The following ASB13 variants were observed in gnomAD, a reference collection of about 807,000 sequenced individuals.
The protein encoded by ASB13 is ankyrin repeat and SOCS box protein 13.
ASB13 carries 33 observed loss-of-function variants against 28.8 expected under a neutral mutation model. The ratio of observed to expected loss-of-function variants is 1.15; its 90% CI spans 0.87 to 1.53. The LOEUF (loss-of-function observed/expected upper bound fraction) is 1.53. Ranked by LOEUF, ASB13 falls within the 40% of genes most tolerant of loss-of-function variation. The pLI, the probability that ASB13 is intolerant of heterozygous loss-of-function variation, is 0.00. For missense variants in ASB13, 414 were observed against 390.1 expected (o/e 1.06, Z -0.52); for synonymous variants, 182 against 172.9 (o/e 1.05, Z -0.41).
At position 5,651,237 on chromosome 10, in the gene ASB13, G is replaced by A; in HGVS notation, c.358C>T (p.Pro120Ser). The change falls in exon 3 of 6, where the codon CCC (proline) becomes TCC (serine). Residue 120 changes from proline (P) to serine (S), a missense_variant. Transcript: ENST00000357700. The surrounding 1 kb of genome is among the most constrained non-coding windows in gnomAD (Gnocchi z 5.1). Reference protein sequence around the residue: ...KVNPPLYTASPLHEACMSGSS... With the variant: ...KVNPPLYTASSLHEACMSGSS... The stretch of plus-strand genomic sequence containing the variant: ...CCGCTCATGCAGGCCTCGTGCAGGG[G>A]GGACGCTGTGTACAGGGGAGGGTTG... 3 of 1,613,136 alleles carry A rather than the reference G, an allele frequency of 1.9e-6. No individual in the cohort carries two copies. The highest frequency in any genetic ancestry group is 1.7e-6 in the Non-Finnish European group (2 of 1,179,502).
chr10:5,654,381 G>A (rs1015407356), intron 1 of ASB13, among the ~76,000 whole-genome samples: 1 of 152,072 alleles, frequency 6.6e-6, no homozygotes, highest in African/African-American at 2.4e-5. Context: ...CTGAAGACAG[G>A]ACCTACAGGA....
chr10:5,657,754 C>T (rs1835095312), intron 1 of ASB13, among the ~76,000 whole-genome samples: 1 of 152,180 alleles, frequency 6.6e-6, no homozygotes, highest in Non-Finnish European at 1.5e-5. Context: ...TCTCAACAAT[C>T]CAAGTGTCCA....
chr10:5,640,510 G>T lies in ASB13; in HGVS notation c.*193C>A, dbSNP rs929679346. ...CACACCCACAACTGTGACCTGAGAC[G>T]CAGGCCTTCCCAACACCCTGGAAAC... is the stretch of plus-strand genomic sequence containing the variant. On this transcript the variant is annotated 3_prime_UTR_variant, in exon 6 of 6. Transcript: ENST00000357700. 9 of 669,408 alleles carry T rather than the reference G, an allele frequency of 1.3e-5. No homozygotes were observed. The highest frequency in any genetic ancestry group is 3.0e-5 in the Admixed American group (1 of 33,668). 41.5% of individuals were successfully genotyped at this position (669,408 alleles called of 1,614,324 possible).
In ASB13 at chr10:5,650,735, G is replaced by C. The variant is rs564804459; in HGVS notation, c.382+478C>G. Among the ~76,000 whole-genome samples, 3 of 152,348 alleles carry C rather than the reference G, an allele frequency of 2.0e-5. No homozygotes were observed. The highest frequency in any genetic ancestry group is 7.2e-5 in the African/African-American group (3 of 41,578). ...GTGCCCTTTTATCTTCCCAGCATCT[G>C]CAGTCTGCCTATTCTTGGGGGGCAG... On this transcript the variant is annotated intron_variant, in intron 3 of 5. Coordinates refer to ENST00000357700, the MANE Select transcript of ASB13 (RefSeq NM_024701.4). This position sits in a 1 kb window ranked among gnomAD's most constrained non-coding sequence, Gnocchi z 6.0.
At position 5,649,096 on chromosome 10, in the gene ASB13, CGGA is replaced by C; in HGVS notation, c.388_390del (p.Ser130del). On this transcript the variant is annotated inframe_deletion, in exon 4 of 6. Transcript: ENST00000357700. The surrounding 1 kb of genome is among the most constrained non-coding windows in gnomAD (Gnocchi z 6.4). ...ACGTCAATAAGAAGCCTCACACATT[CGGA>C]ACTCCCTTAAGATAAATGGAAAAGG... The C allele has an allele frequency of 6.2e-7, 1 of 1,614,186 alleles. No individual in the cohort carries two copies. Among genetic ancestry groups the C allele is most frequent in the Non-Finnish European group, 8.5e-7 (1 of 1,180,042 alleles).
At chr10:5,648,261 A>T (rs1483987196) in intron 4 of ASB13, among the ~76,000 whole-genome samples, 1 of 149,620 alleles carries the variant, frequency 6.7e-6, no homozygotes, top group Admixed American at 6.6e-5. Flanking sequence ...GTAAACACCC[A>T]CTCAGGTAAA....
At chr10:5,662,258 C>T (rs975422888) in intron 1 of ASB13, among the ~76,000 whole-genome samples, 8 of 152,008 alleles carry the variant, frequency 5.3e-5, no homozygotes, top group Non-Finnish European at 2.9e-5. Context: ...GTGGCTCACG[C>T]CTGTAATCCC....
Position 5,664,793 on chromosome 10 carries a change from G to A in ASB13, c.43+1716C>T, listed in dbSNP as rs956798079. ...CCTATCAGGTTCAAGTGATTCTCCTGCCTCAGCCTCCCCAGTAGCTGAGAT... is the reference window on the plus strand; with the variant it reads ...CCTATCAGGTTCAAGTGATTCTCCTACCTCAGCCTCCCCAGTAGCTGAGAT... On this transcript the variant is annotated intron_variant, in intron 1 of 5. Transcript: ENST00000357700. The surrounding 1 kb of genome is among the most constrained non-coding windows in gnomAD (Gnocchi z 4.2). Among the ~76,000 whole-genome samples, 1 of 152,088 alleles carries A rather than the reference G, an allele frequency of 6.6e-6. No individual in the cohort carries two copies. The highest frequency in any genetic ancestry group is 2.4e-5 in the African/African-American group (1 of 41,390).
At position 5,660,281 on chromosome 10, in the gene ASB13, G is replaced by A. The variant is rs1471291793; in HGVS notation, c.43+6228C>T. ...ACGTTCTCTCCACTCTTCCACCCAC[G>A]ATACGACCTTACTGGCTAGGACCGT... On this transcript the variant is annotated intron_variant, in intron 1 of 5. Coordinates refer to ENST00000357700, the MANE Select transcript of ASB13 (RefSeq NM_024701.4). The surrounding 1 kb of genome is among the most constrained non-coding windows in gnomAD (Gnocchi z 6.1). Among the ~76,000 whole-genome samples, 1 of 152,206 alleles carries A rather than the reference G, an allele frequency of 6.6e-6. No homozygotes were observed. The highest frequency in any genetic ancestry group is 2.4e-5 in the African/African-American group (1 of 41,452).
chr10:5,646,291 T>C (rs1440420839), intron 4 of ASB13, among the ~76,000 whole-genome samples: 1 of 152,168 alleles, frequency 6.6e-6, no homozygotes, highest in Non-Finnish European at 1.5e-5. Flanking sequence ...GGGTCCCGCC[T>C]AGTCCAATCC....
At position 5,640,778 on chromosome 10, in the gene ASB13, A is replaced by G. The variant is rs369156574; in HGVS notation, c.762T>C (p.Thr254=). 4 of 1,614,056 alleles carry G rather than the reference A, an allele frequency of 2.5e-6. No individual in the cohort carries two copies. The highest frequency in any genetic ancestry group is 3.4e-6 in the Non-Finnish European group (4 of 1,180,040). ...CAATCTTCTCCAGCCCTCGGACGCCAGTGGCCTTCCTCAAGTTCACCCTGC... is the reference window on the plus strand; with the variant it reads ...CAATCTTCTCCAGCCCTCGGACGCCGGTGGCCTTCCTCAAGTTCACCCTGC... The part of the protein sequence containing the change: ...QLCRVNLRKA[T]GVRGLEKIAK... The change falls in exon 6 of 6, where the codon ACT becomes ACC. Residue 254 remains threonine, a synonymous_variant. Transcript: ENST00000357700.
chr10:5,664,720 G>A lies in ASB13; in HGVS notation c.43+1789C>T, dbSNP rs558071082. 5.3e-5 allele frequency among the ~76,000 whole-genome samples: 8 copies of A among 151,950 alleles called. No homozygotes were observed. The highest frequency in any genetic ancestry group is 3.4e-3 in the Middle Eastern group (1 of 294). On this transcript the variant is annotated intron_variant, in intron 1 of 5. Transcript: ENST00000357700. The surrounding 1 kb of genome is among the most constrained non-coding windows in gnomAD (Gnocchi z 4.2). ...TTTTGAGACGGAGTCTCACTCTGTC[G>A]CCCAGGCTGGAGTGCAATGGCATGA...
rs1394312751 is a variant in ASB13 at position 5,650,359 on chromosome 10, A to T, written c.382+854T>A. On this transcript the variant is annotated intron_variant, in intron 3 of 5. Coordinates refer to ENST00000357700, the MANE Select transcript of ASB13 (RefSeq NM_024701.4). This position sits in a 1 kb window ranked among gnomAD's most constrained non-coding sequence, Gnocchi z 6.0. ...TTCCTGACCCTCGACATCTGCTCAG[A>T]AACCTTCAAGAGCTCCCTGGAGCTG... 6.6e-6 allele frequency among the ~76,000 whole-genome samples: 1 copy of T among 152,196 alleles called. No homozygotes were observed. Among genetic ancestry groups the T allele is most frequent in the Non-Finnish European group, 1.5e-5 (1 of 68,032 alleles).
Position 5,643,618 on chromosome 10 carries a change from T to C in ASB13, c.518-1657A>G, listed in dbSNP as rs527697954. Reference sequence around the variant, plus strand: ...AGATTAAAGAAATATTTCCCCACAATTCAACCTCTCTTTCACATAAGGGGT... The same window carrying C: ...AGATTAAAGAAATATTTCCCCACAACTCAACCTCTCTTTCACATAAGGGGT... On this transcript the variant is annotated intron_variant, in intron 4 of 5. Coordinates refer to ENST00000357700, the MANE Select transcript of ASB13 (RefSeq NM_024701.4). Among the ~76,000 whole-genome samples the C allele has an allele frequency of 3.9e-5, 6 of 152,342 alleles. No individual in the cohort carries two copies. The East Asian group carries it at 7.7e-4, about 20-fold the overall frequency.
chr10:5,665,805 T>C (rs1361946544), intron 1 of ASB13, among the ~76,000 whole-genome samples: 4 of 152,192 alleles, frequency 2.6e-5, no homozygotes, highest in East Asian at 1.9e-4. Flanking sequence ...TAGATTTTTT[T>C]TTTCTTTTTA....
Position 5,644,366 on chromosome 10 carries a change from C to T in ASB13, c.518-2405G>A, listed in dbSNP as rs1235800014. ...AAATTACCCGGGGGGCGTGATGGCA[C>T]ACATCTGTGGTCCCACCTACTCTGG... is the stretch of plus-strand genomic sequence containing the variant. On this transcript the variant is annotated intron_variant, in intron 4 of 5. Transcript: ENST00000357700. This position sits in a 1 kb window ranked among gnomAD's most constrained non-coding sequence, Gnocchi z 5.1. Among the ~76,000 whole-genome samples, 1 of 152,132 alleles carries T rather than the reference C, an allele frequency of 6.6e-6. No individual in the cohort carries two copies. The highest frequency in any genetic ancestry group is 1.5e-5 in the Non-Finnish European group (1 of 68,032).
chr10:5,659,422 A>T lies in ASB13; in HGVS notation c.44-6372T>A, dbSNP rs556069260. ...CAGGCAAGGAACAAGGTCCACGACC[A>T]TGCAGTCACAGGCCCTGTCCCCAGG... On this transcript the variant is annotated intron_variant, in intron 1 of 5. Coordinates refer to ENST00000357700, the MANE Select transcript of ASB13 (RefSeq NM_024701.4). This position sits in a 1 kb window ranked among gnomAD's most constrained non-coding sequence, Gnocchi z 5.8. Among the ~76,000 whole-genome samples the T allele has an allele frequency of 6.6e-6, 1 of 152,296 alleles. No individual in the cohort carries two copies. Among genetic ancestry groups the T allele is most frequent in the East Asian group, 1.9e-4 (1 of 5,170 alleles).
intron 1 of ASB13, among the ~76,000 whole-genome samples, chr10:5,654,234 G>C (rs543128605): frequency 3.3e-5 from 5 of 150,688 alleles, no homozygotes; most frequent in Admixed American, 2.7e-4. Flanking sequence ...AGGTGAGGGA[G>C]AGTCTGCGAA....
In ASB13 at chr10:5,655,542, C is replaced by T. The variant is rs1835056569; in HGVS notation, c.44-2492G>A. ...CCACAGCCAAAGAGCCCGGGTGACC[C>T]TATGTCAGTGGAAGTGGGGACTAGG... On this transcript the variant is annotated intron_variant, in intron 1 of 5. Coordinates refer to ENST00000357700, the MANE Select transcript of ASB13 (RefSeq NM_024701.4). The surrounding 1 kb of genome is among the most constrained non-coding windows in gnomAD (Gnocchi z 6.2). Among the ~76,000 whole-genome samples, 1 of 152,164 alleles carries T rather than the reference C, an allele frequency of 6.6e-6. No homozygotes were observed. The highest frequency in any genetic ancestry group is 2.1e-4 in the South Asian group (1 of 4,824).
Sources: allele counts gnomAD v4.1 joint callset (sites outside exome capture counted in the v4.1 genomes callset), GRCh38; gene constraint gnomAD v4.1.1; non-coding constraint Gnocchi (gnomAD v3.1); transcripts MANE v1.5; gene names NCBI Gene and HGNC (gene_info 2026-07-23, HGNC 2026-07-21).